The following HMCN2 variants were observed in gnomAD, a reference collection of about 807,000 sequenced individuals.
HMCN2 encodes the protein hemicentin 2.
Under a neutral mutation model 377.5 loss-of-function variants are expected in HMCN2, and 325 were observed. The observed-to-expected ratio is 0.86, with a 90% confidence interval of 0.79 to 0.94. HMCN2 has a LOEUF of 0.94. Ranked by LOEUF, HMCN2 falls within the 40% of genes least tolerant of loss-of-function variation. The pLI is 0.00. For synonymous variants in HMCN2, 2,007 were observed against 2,046.8 expected (o/e 0.98, Z 0.53); for missense variants, 4,543 against 4,725.3 (o/e 0.96, Z 1.13).
At position 130,349,100 on chromosome 9, in the gene HMCN2, C is replaced by T. The variant is rs758327783; in HGVS notation, c.4272C>T (p.Thr1424=). The T allele has an allele frequency of 3.1e-5, 41 of 1,304,068 alleles. No homozygotes were observed. Among genetic ancestry groups the T allele is most frequent in the East Asian group, 1.7e-4 (3 of 18,038 alleles). 80.8% of individuals were successfully genotyped at this position (1,304,068 alleles called of 1,614,324 possible). ...YSCRAENQAG[T]AQRDFHLLVL... Reference sequence around the variant, plus strand: ...GCCGGGCAGAGAACCAGGCTGGCACCGCCCAGAGGGACTTCCATCTCCTTG... The same window carrying T: ...GCCGGGCAGAGAACCAGGCTGGCACTGCCCAGAGGGACTTCCATCTCCTTG... The change falls in exon 28 of 98, where the codon ACC becomes ACT. Residue 1424 remains threonine, a synonymous_variant. Coordinates refer to ENST00000683500, the MANE Select transcript of HMCN2 (RefSeq NM_001291815.2).
At chr9:130,365,754 G>A in intron 42 of HMCN2, 27 bp downstream of exon 42, 1 of 982,730 alleles carries the variant, frequency 1.0e-6, no homozygotes, top group South Asian at 4.7e-5. Context: ...CTGGGCAGGG[G>A]GAGGGGGCTG....
At position 130,393,443 on chromosome 9, in the gene HMCN2, C is replaced by T; in HGVS notation, c.10234+134C>T. ...GTCGAGGAGAGCGGACACTGCGGCTCAGTCTCTGACTCACTGTATTGCTCG... is the reference window on the plus strand; with the variant it reads ...GTCGAGGAGAGCGGACACTGCGGCTTAGTCTCTGACTCACTGTATTGCTCG... On this transcript the variant is annotated intron_variant, in intron 67 of 97. Transcript: ENST00000683500. This position sits in a 1 kb window ranked among gnomAD's most constrained non-coding sequence, Gnocchi z 5.2. 4.2e-6 allele frequency: 2 copies of T among 478,990 alleles called. No individual in the cohort carries two copies. Among genetic ancestry groups the T allele is most frequent in the South Asian group, 6.4e-5 (1 of 15,626 alleles). 29.7% of individuals were successfully genotyped at this position (478,990 alleles called of 1,614,324 possible).
At chr9:130,401,710 G>C (rs778811906) in intron 77 of HMCN2, among the ~76,000 whole-genome samples, 1 of 152,074 alleles carries the variant, frequency 6.6e-6, no homozygotes, top group African/African-American at 2.4e-5. Flanking sequence ...TTGTTAGTTC[G>C]TTAGCGAAAC....
At chr9:130,292,070 A>G (rs1554930222) in intron 4 of HMCN2, among the ~76,000 whole-genome samples, 1 of 151,474 alleles carries the variant, frequency 6.6e-6, no homozygotes, top group African/African-American at 2.4e-5. Context: ...ATAAGTCCAA[A>G]GGTCTGATTT....
intron 34 of HMCN2, among the ~76,000 whole-genome samples, chr9:130,357,561 A>C (rs911274478): frequency 6.6e-6 from 1 of 152,118 alleles, no homozygotes; most frequent in African/African-American, 2.4e-5. Flanking sequence ...AGACAGAAGG[A>C]TAGGTAGATG....
intron 48 of HMCN2, 88 bp downstream of exon 48, chr9:130,373,212 C>A: frequency 3.0e-6 from 1 of 335,428 alleles, no homozygotes; most frequent in Non-Finnish European, 4.2e-6. Flanking sequence ...TGCCCACCTG[C>A]CCCAGCCCCA....
rs760662723 is a variant in HMCN2, at chr9:130,349,888, CTTTTTTTTTT to C, written c.4430+242_4430+251del. On this transcript the variant is annotated intron_variant, in intron 29 of 97. Coordinates refer to ENST00000683500, the MANE Select transcript of HMCN2 (RefSeq NM_001291815.2). ...AAGTCTTCTCATCTCTTAGCCTTTCCTTTTTTTTTTTTTTTTTTTTTTTTTTGGTGACAGG... is the reference window on the plus strand; with the variant it reads ...AAGTCTTCTCATCTCTTAGCCTTTCCTTTTTTTTTTTTTTTTGGTGACAGG... Among the ~76,000 whole-genome samples, 5 of 91,306 alleles carry C rather than the reference CTTTTTTTTTT, an allele frequency of 5.5e-5. No individual in the cohort carries two copies. The Admixed American group carries it at 5.7e-4, about 10-fold the overall frequency. 59.9% of individuals were successfully genotyped at this position (91,306 alleles called of 152,430 possible).
chr9:130,406,106 G>C lies in HMCN2; in HGVS notation c.12491G>C (p.Cys4164Ser). ...CTTGGGGACAGGCTGTGGCTTCGCTGTGCAGCCCGGGGCAGCCCCACCCCT... is the reference window on the plus strand; with the variant it reads ...CTTGGGGACAGGCTGTGGCTTCGCTCTGCAGCCCGGGGCAGCCCCACCCCT... ...LRLGDRLWLR[C>S]AARGSPTPRI... is the part of the protein sequence containing the mutation. Residue 4164 changes from cysteine (C) to serine (S), a missense_variant, in exon 82 of 98, where the codon TGT becomes TCT. This residue lies in a region of HMCN2 where 1,073 missense variants were observed against 1,319.5 expected (regional missense o/e 0.81). Coordinates refer to ENST00000683500, the MANE Select transcript of HMCN2 (RefSeq NM_001291815.2). 7.8e-7 allele frequency: 1 copy of C among 1,289,880 alleles called. No individual in the cohort carries two copies. The highest frequency in any genetic ancestry group is 1.2e-5 in the South Asian group (1 of 81,026). 79.9% of individuals were successfully genotyped at this position (1,289,880 alleles called of 1,614,324 possible). A position where few individuals can be genotyped will look rare whatever the true frequency, so the allele number is the denominator to read the frequency against.
At chr9:130,354,249 G>A (rs902889919) in intron 31 of HMCN2, among the ~76,000 whole-genome samples, 3 of 152,082 alleles carry the variant, frequency 2.0e-5, no homozygotes, top group Non-Finnish European at 4.4e-5. Context: ...CCCCTTTGGC[G>A]TGGCCACCAT....
At position 130,418,900 on chromosome 9, in the gene HMCN2, C is replaced by G. The variant is rs762069786; in HGVS notation, c.13090C>G (p.Arg4364Gly). The G allele has an allele frequency of 6.5e-7, 1 of 1,549,310 alleles. No homozygotes were observed. Among genetic ancestry groups the G allele is most frequent in the Admixed American group, 2.0e-5 (1 of 50,888 alleles). Residue 4364 changes from arginine (R) to glycine (G), a missense_variant, in exon 86 of 98, where the codon CGG (arginine) becomes GGG (glycine). Around this residue, in one of 5 missense-constraint regions of HMCN2, gnomAD observed 1,155 missense variants for 1,157.7 expected, o/e 1.00. Transcript: ENST00000683500. The part of the protein sequence containing the change: ...IEWLQAGQPL[R>G]ASRRLRTLPD... ...ATGGCTACAGGCGGGTCAACCCTTG[C>G]GGGCCAGCCGGCGGCTCCGGACCCT...
chr9:130,418,965 G>A lies in HMCN2; in HGVS notation c.13155G>A (p.Gly4385=). The change falls in exon 86 of 98, where the codon GGG becomes GGA. Residue 4385 remains glycine (G), a synonymous_variant. Coordinates refer to ENST00000683500, the MANE Select transcript of HMCN2 (RefSeq NM_001291815.2). ...GSLWLENVET[G]DAGTYDCVAH... ...TGTGGCTGGAGAACGTGGAGACTGG[G>A]GATGCAGGCACCTACGACTGCGTCG... 7 of 1,530,706 alleles carry A rather than the reference G, an allele frequency of 4.6e-6. No homozygotes were observed. Among genetic ancestry groups the A allele is most frequent in the South Asian group, 1.2e-5 (1 of 81,538 alleles). 94.8% of individuals were successfully genotyped at this position (1,530,706 alleles called of 1,614,324 possible). A position where few individuals can be genotyped will look rare whatever the true frequency, so the allele number is the denominator to read the frequency against.
chr9:130,293,244 C>CTGA lies in HMCN2; in HGVS notation c.613-1609_613-1607dup, dbSNP rs201451343. ...ATAAAATGGGTTCAAAATCACAGTG[C>CTGA]TGATAGTTCTTCCAAATAAAATCTA... On this transcript the variant is annotated intron_variant, in intron 4 of 97. Coordinates refer to ENST00000683500, the MANE Select transcript of HMCN2 (RefSeq NM_001291815.2). Among the ~76,000 whole-genome samples the CTGA allele has an allele frequency of 6.6e-3, 864 of 130,782 alleles. 42 individuals carry two copies. Among genetic ancestry groups the CTGA allele is most frequent in the Admixed American group, 0.062 (762 of 12,328 alleles). 85.8% of individuals were successfully genotyped at this position (130,782 alleles called of 152,430 possible).
intron 1 of HMCN2, among the ~76,000 whole-genome samples, chr9:130,267,427 C>A (rs536463838): frequency 1.5e-5 from 2 of 137,560 alleles, no homozygotes; most frequent in East Asian, 4.4e-4. Flanking sequence ...AACAACCCCC[C>A]CAAATAAAAC....
At chr9:130,412,042 G>A (rs1843450815) in intron 85 of HMCN2, among the ~76,000 whole-genome samples, 1 of 152,176 alleles carries the variant, frequency 6.6e-6, no homozygotes, top group East Asian at 1.9e-4. Context: ...TGCCATCTCT[G>A]CTCACTGCAA....
At chr9:130,365,783 A>C in intron 42 of HMCN2, 56 bp downstream of exon 42, 1 of 977,710 alleles carries the variant, frequency 1.0e-6, no homozygotes, top group Non-Finnish European at 1.2e-6. Flanking sequence ...ATTGCGTCCC[A>C]GGACACAGCC....
rs931194259 is a variant in HMCN2, at chr9:130,414,035, T to A, written c.12961+3383T>A. 6.7e-6 allele frequency among the ~76,000 whole-genome samples: 1 copy of A among 149,582 alleles called. No homozygotes were observed. Among genetic ancestry groups the A allele is most frequent in the Admixed American group, 6.7e-5 (1 of 15,036 alleles). On this transcript the variant is annotated intron_variant, in intron 85 of 97. Coordinates refer to ENST00000683500, the MANE Select transcript of HMCN2 (RefSeq NM_001291815.2). The surrounding 1 kb of genome is among the most constrained non-coding windows in gnomAD (Gnocchi z 4.4). ...ATAGCTGGGCATGGTGGCGCACACC[T>A]GTAATCCCAGCTACTTGGGAGGCAA...
chr9:130,339,400 A>G (rs1838932661), intron 23 of HMCN2, among the ~76,000 whole-genome samples: 1 of 151,922 alleles, frequency 6.6e-6, no homozygotes, highest in African/African-American at 2.4e-5. Context: ...CTCACACCCC[A>G]TTTTACAGGT....
At position 130,431,435 on chromosome 9, in the gene HMCN2, T is replaced by C. The variant is rs1238965740; in HGVS notation, c.14716T>C (p.Cys4906Arg). The change falls in exon 96 of 98, where the codon TGC becomes CGC. Residue 4906 changes from cysteine to arginine, a missense_variant. Cys to Arg is a radical substitution (Grantham distance 180, BLOSUM62 -3). Around this residue, in one of 5 missense-constraint regions of HMCN2, gnomAD observed 1,155 missense variants for 1,157.7 expected, o/e 1.00. Coordinates refer to ENST00000683500, the MANE Select transcript of HMCN2 (RefSeq NM_001291815.2). ...CCGCAACACTGAGGGCAGCTACCAG[T>C]GCCTGTGCCCCGCCGGCTACCGTCT... The part of the protein sequence containing the change: ...ACRNTEGSYQ[C>R]LCPAGYRLLP... The C allele has an allele frequency of 1.3e-6, 2 of 1,550,252 alleles. No homozygotes were observed. The highest frequency in any genetic ancestry group is 1.7e-6 in the Non-Finnish European group (2 of 1,146,854).
Position 130,390,994 on chromosome 9 carries a change from G to A in HMCN2, c.9541G>A (p.Gly3181Ser), listed in dbSNP as rs946883490. Residue 3181 changes from glycine to serine, a missense_variant, in exon 63 of 98, where the codon GGT becomes AGT. Transcript: ENST00000683500. Reference protein sequence around the residue: ...RMPVESSAVHGVVSRGGRLQL... With the variant: ...RMPVESSAVHSVVSRGGRLQL... The stretch of plus-strand genomic sequence containing the variant: ...TCCCACAGAGAGCAGCGCGGTGCAC[G>A]GTGTGGTCTCCCGGGGGGGCCGCCT... The A allele has an allele frequency of 7.1e-6, 7 of 987,152 alleles. No individual in the cohort carries two copies. The highest frequency in any genetic ancestry group is 3.1e-4 in the Middle Eastern group (1 of 3,212). 61.1% of individuals were successfully genotyped at this position (987,152 alleles called of 1,614,324 possible). A position where few individuals can be genotyped will look rare whatever the true frequency, so the allele number is the denominator to read the frequency against.
Sources: gnomAD v4.1 joint callset for allele counts (sites outside exome capture counted in the v4.1 genomes callset) on GRCh38, gnomAD v4.1.1 for gene constraint, gnomAD v4.1.1 regional missense constraint, Gnocchi (gnomAD v3.1) non-coding constraint, MANE v1.5 for transcripts, NCBI Gene and HGNC (gene_info 2026-07-23, HGNC 2026-07-21) for gene names.